The following LCORL variants were observed in gnomAD, a reference collection of about 807,000 sequenced individuals.
LCORL encodes the protein ligand dependent nuclear receptor corepressor like, also known as ligand-dependent nuclear receptor corepressor-like protein.
Under a neutral mutation model 141.8 loss-of-function variants are expected in LCORL, and 41 were observed. The observed-to-expected ratio is 0.29, with a 90% CI of 0.23 to 0.38. LCORL has a LOEUF of 0.38. LCORL is among the 10% of genes least tolerant of loss of function. The pLI is 1.00. For missense variants in LCORL, 1,759 were observed against 2,035.0 expected, an observed-to-expected ratio of 0.86 and a Z score of 2.61; for synonymous variants, 618 against 694.1, an observed-to-expected ratio of 0.89 and a Z score of 1.72.
At chr4:17,957,070 C>T (rs533706391) in intron 4 of LCORL, among the ~76,000 whole-genome samples, 18 of 151,772 alleles carry the variant, frequency 1.2e-4, no homozygotes, top group South Asian at 6.2e-4. Context: ...AGGAAAACAG[C>T]GTTGGAAATG....
chr4:17,979,246 C>G (rs1487354946), intron 1 of LCORL, among the ~76,000 whole-genome samples: 4 of 152,188 alleles, frequency 2.6e-5, no homozygotes, highest in African/African-American at 4.8e-5. Context: ...GGCAAAAAAG[C>G]TGGCATGATC....
intron 4 of LCORL, among the ~76,000 whole-genome samples, chr4:17,917,826 T>C (rs1037083904): frequency 6.6e-6 from 1 of 152,206 alleles, no homozygotes; most frequent in Non-Finnish European, 1.5e-5. Context: ...AAGGAATGTC[T>C]ATTAAAGAAA....
chr4:18,007,758 G>A (rs1040935839), intron 1 of LCORL, among the ~76,000 whole-genome samples: 6 of 152,142 alleles, frequency 3.9e-5, no homozygotes, highest in African/African-American at 1.4e-4. Flanking sequence ...GGAATGAGTA[G>A]GTCAGCAGAA....
exon 5 of LCORL, chr4:17,909,137 T>G: frequency 6.2e-7 from 1 of 1,613,050 alleles, no homozygotes; most frequent in South Asian, 1.1e-5. Context: ...CAGTGAGGTC[T>G]AAGGGGCCTT....
exon 7 of LCORL, chr4:17,876,042 G>A (rs915297911): frequency 1.9e-5 from 23 of 1,231,020 alleles, no homozygotes; most frequent in South Asian, 1.6e-4. Context: ...TGAATGGGAA[G>A]TGCCAACTGA....
At chr4:17,860,667 A>AT (rs1724897292) in intron 7 of LCORL, among the ~76,000 whole-genome samples, 1 of 152,208 alleles carries the variant, frequency 6.6e-6, no homozygotes, top group African/African-American at 2.4e-5. Flanking sequence ...TCAAAAGTCC[A>AT]CAGTCCAAAG....
At chr4:17,916,398 A>C (rs77432749) in intron 4 of LCORL, among the ~76,000 whole-genome samples, 2 of 152,138 alleles carry the variant, frequency 1.3e-5, no homozygotes, top group Admixed American at 6.5e-5. Context: ...TCCCTCATGA[A>C]TGACTTAGCC....
intron 1 of LCORL, among the ~76,000 whole-genome samples, chr4:17,985,888 T>C (rs1370080320): frequency 6.6e-6 from 1 of 152,190 alleles, no homozygotes; most frequent in Non-Finnish European, 1.5e-5. Flanking sequence ...GTTCTTGTAT[T>C]GGCTAGTAAT....
At chr4:17,979,055 AC>A (rs1313139320) in intron 1 of LCORL, among the ~76,000 whole-genome samples, 1 of 150,362 alleles carries the variant, frequency 6.7e-6, no homozygotes, top group Non-Finnish European at 1.5e-5. Flanking sequence ...CCATTGCCCC[AC>A]CCCACAACAG....
At chr4:17,898,187 T>C (rs1730286646) in intron 5 of LCORL, among the ~76,000 whole-genome samples, 1 of 152,204 alleles carries the variant, frequency 6.6e-6, no homozygotes, top group African/African-American at 2.4e-5. Context: ...AAGGGTTCCT[T>C]AAAGTATTTT....
At chr4:18,013,720 C>A (rs1724171810) in intron 1 of LCORL, among the ~76,000 whole-genome samples, 1 of 152,118 alleles carries the variant, frequency 6.6e-6, no homozygotes, top group African/African-American at 2.4e-5. Flanking sequence ...CTTGCACATA[C>A]TAGTCAGAAA....
At chr4:17,845,204 A>AAAC (rs1484678595) in exon 8 of LCORL, 1 of 152,570 alleles carries the variant, frequency 6.6e-6, no homozygotes, top group African/African-American at 2.4e-5. Flanking sequence ...TGTGAATGGG[A>AAAC]AACATGCTAC....
At chr4:17,887,799 G>A (rs1192321386) in intron 5 of LCORL, among the ~76,000 whole-genome samples, 2 of 152,148 alleles carry the variant, frequency 1.3e-5, no homozygotes, top group Admixed American at 6.6e-5. Context: ...AGCTAAAGGT[G>A]GAGCAGGGAA....
At chr4:17,990,891 C>T (rs1051675046) in intron 1 of LCORL, among the ~76,000 whole-genome samples, 3 of 151,850 alleles carry the variant, frequency 2.0e-5, no homozygotes, top group South Asian at 2.1e-4. Context: ...AAAAAGTCCA[C>T]GATCCTCAAA....
chr4:17,931,446 T>A (rs2109423316), intron 4 of LCORL, among the ~76,000 whole-genome samples: 1 of 152,196 alleles, frequency 6.6e-6, no homozygotes, highest in East Asian at 1.9e-4. Flanking sequence ...TGGCTGTAAA[T>A]ACATAAGGCT....
Position 17,876,910 on chromosome 4 carries a change from G to A in LCORL, c.2080C>T (p.Pro694Ser), listed in dbSNP as rs1038662881. ...TGCAGTGACTGTAATGCATAATTTG[G>A]TGAAAATGATGTTTCAGCATGATTT... The change falls in exon 7 of 8, where the codon CCA becomes TCA. Residue 694 changes from proline to serine, a missense_variant. By Grantham distance (74) the Pro-to-Ser change is moderately conservative (BLOSUM62 -1). This residue lies in a region of LCORL where 1,311 missense variants were observed against 1,531.3 expected (regional missense o/e 0.86). Transcript: ENST00000635767. The A allele has an allele frequency of 1.5e-5, 19 of 1,230,554 alleles. 1 individual carries two copies. The African/African-American group carries it at 1.7e-4, about 11-fold the overall frequency. The allele number at this position is 1,230,554 out of a possible 1,614,324, so 76.2% of individuals were successfully genotyped here.
In LCORL at chr4:17,884,587, G is replaced by A; in HGVS notation, c.776+1481C>T. The A allele has an allele frequency of 1.3e-6, 2 of 1,542,748 alleles. No individual in the cohort carries two copies. The highest frequency in any genetic ancestry group is 1.2e-5 in the South Asian group (1 of 82,992). ...AAGATGCAGGCTTCCCTGCTGGTAA[G>A]GCTTCTAAGTGAAGAAGTAAAGTTT... On this transcript the variant is annotated intron_variant, in intron 6 of 7. Coordinates refer to ENST00000635767, the Ensembl canonical transcript of LCORL. The surrounding 1 kb of genome is among the most constrained non-coding windows in gnomAD (Gnocchi z 4.4).
intron 1 of LCORL, among the ~76,000 whole-genome samples, chr4:18,015,866 A>C (rs1380735449): frequency 6.6e-6 from 1 of 150,610 alleles, no homozygotes; most frequent in Non-Finnish European, 1.5e-5. Flanking sequence ...GTATGATATA[A>C]ATTTTTTAAA....
rs114357880 is a variant in LCORL, at chr4:17,877,170, C to T, written c.1820G>A (p.Arg607His). ...GCGCATTGCAAATAAAGTTTCTTGA[C>T]GCTTTCGAAATCTTGTCTGAATAAT... The change falls in exon 7 of 8, where the codon CGT becomes CAT. Residue 607 changes from arginine to histidine, a missense_variant. By Grantham distance (29) the Arg-to-His change is conservative (BLOSUM62 0). This residue lies in a region of LCORL where 1,311 missense variants were observed against 1,531.3 expected (regional missense o/e 0.86). Coordinates refer to ENST00000635767, the Ensembl canonical transcript of LCORL. 4.2e-4 allele frequency: 512 copies of T among 1,230,636 alleles called. No homozygotes were observed. The African/African-American group carries it at 5.7e-3, about 14-fold the overall frequency. The allele number at this position is 1,230,636 out of a possible 1,614,324, so 76.2% of individuals were successfully genotyped here. A position where few individuals can be genotyped will look rare whatever the true frequency, so the allele number is the denominator to read the frequency against.
Sources: allele counts gnomAD v4.1 joint callset (sites outside exome capture counted in the v4.1 genomes callset), GRCh38; gene constraint gnomAD v4.1.1; regional missense constraint gnomAD v4.1.1; non-coding constraint Gnocchi (gnomAD v3.1); transcripts MANE v1.5; gene names NCBI Gene and HGNC (gene_info 2026-07-23, HGNC 2026-07-21).